Variants in DDX31 observed in about 807,000 individuals in gnomAD.
DDX31 encodes ATP-dependent DNA helicase DDX31.
DDX31 carries 70 observed loss-of-function variants against 91.3 expected under a neutral mutation model. The ratio of observed to expected loss-of-function variants is 0.77; its 90% confidence interval spans 0.63 to 0.94. The LOEUF (loss-of-function observed/expected upper bound fraction) is 0.94. DDX31 is among the 40% of genes least tolerant of loss of function. DDX31 has a pLI of 0.00. For missense variants in DDX31, 902 were observed against 925.0 expected (o/e 0.98, Z 0.32); for synonymous variants, 362 against 350.6 (o/e 1.03, Z -0.36).
At chr9:132,632,218 T>C (rs1832777829) in intron 14 of DDX31, 127 bp from the exon 15 acceptor site, 9 of 328,728 alleles carry the variant, frequency 2.7e-5, no homozygotes, top group South Asian at 1.7e-4. Context: ...CATTCGGGCA[T>C]ACACGTATAT....
rs763513866 is a variant in DDX31 at position 132,612,179 on chromosome 9, G to A, written c.1902C>T (p.His634=). The change falls in exon 19 of 20, where the codon CAC becomes CAT. Residue 634 remains histidine, a synonymous_variant. Coordinates refer to ENST00000372159, the MANE Select transcript of DDX31 (RefSeq NM_022779.9). The stretch of plus-strand genomic sequence containing the variant: ...CGAAGCTCTTCGCCACATGCCCAAG[G>A]TGGAGGGATCGGACGTGGAAGATGT... ...LKHIFHVRSL[H]LGHVAKSFGL... 1 of 1,614,234 alleles carries A rather than the reference G, an allele frequency of 6.2e-7. No individual in the cohort carries two copies. Among genetic ancestry groups the A allele is most frequent in the Non-Finnish European group, 8.5e-7 (1 of 1,180,044 alleles).
chr9:132,645,287 A>C (rs1182229881), intron 13 of DDX31, among the ~76,000 whole-genome samples: 1 of 152,188 alleles, frequency 6.6e-6, no homozygotes, highest in East Asian at 1.9e-4. Flanking sequence ...CCAAGTCCCT[A>C]AAATAGGGGA....
At chr9:132,605,011 C>A (rs1830931990) in intron 19 of DDX31, among the ~76,000 whole-genome samples, 1 of 152,168 alleles carries the variant, frequency 6.6e-6, no homozygotes, top group Non-Finnish European at 1.5e-5. Flanking sequence ...GAAGGAGATC[C>A]CAACCCCAGG....
intron 1 of DDX31, among the ~76,000 whole-genome samples, chr9:132,662,900 A>T (rs576795959): frequency 6.6e-6 from 1 of 152,346 alleles, no homozygotes; most frequent in African/African-American, 2.4e-5. Flanking sequence ...AAAAGAAAAA[A>T]GTCTCAGCTC....
chr9:132,658,295 G>A, intron 6 of DDX31: 2 of 703,244 alleles, frequency 2.8e-6, no homozygotes, highest in Non-Finnish European at 2.6e-6. Context: ...TTGCTGCATG[G>A]CCTTGGTTAT....
At chr9:132,651,180 A>G in intron 7 of DDX31, 64 bp from the exon 8 acceptor site, 1 of 1,354,428 alleles carries the variant, frequency 7.4e-7, no homozygotes, top group Non-Finnish European at 1.0e-6. Context: ...TTTAAAGACA[A>G]TTTAATGTGA....
In DDX31 at chr9:132,594,766, A is replaced by G; in HGVS notation, c.*100T>C. 6.5e-7 allele frequency: 1 copy of G among 1,526,746 alleles called. No individual in the cohort carries two copies. The highest frequency in any genetic ancestry group is 8.8e-7 in the Non-Finnish European group (1 of 1,134,592). The allele number at this position is 1,526,746 out of a possible 1,614,324, so 94.6% of individuals were successfully genotyped here. On this transcript the variant is annotated 3_prime_UTR_variant, in exon 20 of 20. Coordinates refer to ENST00000372159, the MANE Select transcript of DDX31 (RefSeq NM_022779.9). ...TTCTTGGGGACGTGGTATTCAGGCA[A>G]AGGCGCAGTTATTTTTCACAAGCCT...
At chr9:132,619,513 T>C (rs1831869748) in intron 17 of DDX31, among the ~76,000 whole-genome samples, 1 of 152,218 alleles carries the variant, frequency 6.6e-6, no homozygotes, top group Non-Finnish European at 1.5e-5. Context: ...CCTTTAAGGC[T>C]GACAGAGGAA....
At chr9:132,650,893 C>A (rs770510430) in intron 8 of DDX31, among the ~76,000 whole-genome samples, 182 bp downstream of exon 8, 15 of 152,182 alleles carry the variant, frequency 9.9e-5, no homozygotes, top group Non-Finnish European at 1.9e-4. Context: ...GATAATTCAG[C>A]TAAGCTAGAA....
At chr9:132,614,793 C>T (rs1831538644) in intron 18 of DDX31, among the ~76,000 whole-genome samples, 1 of 152,122 alleles carries the variant, frequency 6.6e-6, no homozygotes, top group Admixed American at 6.6e-5. Context: ...TGTTTTCTCC[C>T]CAGACAACTG....
chr9:132,624,875 T>A (rs757093476), intron 17 of DDX31, among the ~76,000 whole-genome samples: 2 of 152,182 alleles, frequency 1.3e-5, no homozygotes, highest in Admixed American at 6.5e-5. Context: ...ATGATCCAAA[T>A]ACAGGCACAT....
intron 1 of DDX31, 43 bp downstream of exon 1, chr9:132,669,817 G>T (rs1415533256): frequency 1.3e-6 from 2 of 1,533,966 alleles, no homozygotes; most frequent in African/African-American, 1.4e-5. Flanking sequence ...GCCCACAGCC[G>T]GGCCGCGGGT....
chr9:132,638,422 T>G lies in DDX31; in HGVS notation c.1440+3582A>C. 4.3e-6 allele frequency: 7 copies of G among 1,611,974 alleles called. No individual in the cohort carries two copies. In the South Asian group the frequency reaches 7.7e-5, roughly 18 times the overall value. ...ATCCAGTGTCTGATATCTGATCCCT[T>G]TGATTGCTTAATTCCACTTGGGAAA... On this transcript the variant is annotated intron_variant, in intron 14 of 19. Coordinates refer to ENST00000372159, the MANE Select transcript of DDX31 (RefSeq NM_022779.9).
chr9:132,606,293 T>C (rs1482035389), intron 19 of DDX31, among the ~76,000 whole-genome samples: 1 of 152,188 alleles, frequency 6.6e-6, no homozygotes, highest in Non-Finnish European at 1.5e-5. Context: ...AGGGAGGTTG[T>C]AAATGCCACA....
intron 1 of DDX31, chr9:132,663,310 C>G: frequency 7.8e-7 from 1 of 1,289,104 alleles, no homozygotes; most frequent in South Asian, 1.2e-5. Flanking sequence ...TTCCTACGCC[C>G]TGTTCCCATT....
chr9:132,598,050 G>A (rs939519081), intron 19 of DDX31, among the ~76,000 whole-genome samples: 19 of 152,124 alleles, frequency 1.2e-4, no homozygotes, highest in Non-Finnish European at 2.2e-4. Context: ...CAGAGGTTCC[G>A]GTGGTCAGCA....
At chr9:132,660,498 CAG>C (rs756647653) in intron 4 of DDX31, among the ~76,000 whole-genome samples, 3 of 152,114 alleles carry the variant, frequency 2.0e-5, no homozygotes, top group African/African-American at 7.2e-5. Flanking sequence ...GCCAACTATT[CAG>C]AGAGCCAGCA....
chr9:132,646,099 C>T (rs12349774), intron 12 of DDX31, 28 bp from the exon 13 acceptor site: 9 of 1,601,474 alleles, frequency 5.6e-6, no homozygotes, highest in Middle Eastern at 1.7e-4. Context: ...GAGGAAAAAC[C>T]GACATATTTT....
chr9:132,596,338 G>A (rs540964487), intron 19 of DDX31, among the ~76,000 whole-genome samples: 8 of 152,328 alleles, frequency 5.3e-5, no homozygotes, highest in Non-Finnish European at 1.0e-4. Flanking sequence ...CACTCCAGAG[G>A]ACAGGGTGAC....
Sources: gnomAD v4.1 joint callset for allele counts (sites outside exome capture counted in the v4.1 genomes callset) on GRCh38, gnomAD v4.1.1 for gene constraint, MANE v1.5 for transcripts, NCBI Gene and HGNC (gene_info 2026-07-23, HGNC 2026-07-21) for gene names.